Variants in SH3KBP1 observed in about 807,000 individuals in gnomAD.
The protein encoded by SH3KBP1 is SH3 domain containing kinase binding protein 1, also known as SH3 domain-containing kinase-binding protein 1.
A neutral mutation model predicts 50.1 loss-of-function variants in SH3KBP1; 8 were observed. The observed-to-expected ratio is 0.16, with a 90% CI of 0.09 to 0.29. The LOEUF (loss-of-function observed/expected upper bound fraction) is 0.29. Ranked by LOEUF, SH3KBP1 falls within the 10% of genes least tolerant of loss-of-function variation. The pLI is 1.00. For synonymous variants in SH3KBP1, 227 were observed against 218.6 expected (o/e 1.04, Z -0.34); for missense variants, 377 against 535.2 (o/e 0.70, Z 2.92).
chrX:19,564,870 A>C (rs912175642), intron 13 of SH3KBP1, among the ~76,000 whole-genome samples: 2 of 108,875 alleles, frequency 1.8e-5, no homozygotes, highest in Non-Finnish European at 3.8e-5. Context: ...GATGGTTAGC[A>C]GCATCCTTGG....
intron 2 of SH3KBP1, among the ~76,000 whole-genome samples, chrX:19,819,459 G>A (rs1246040984): frequency 9.0e-6 from 1 of 110,953 alleles, no homozygotes; most frequent in Non-Finnish European, 1.9e-5. Context: ...TCAGCCTTTT[G>A]AGTAGCTGGG....
chrX:19,818,668 T>G lies in SH3KBP1; in HGVS notation c.162+17457A>C, dbSNP rs146057858. On this transcript the variant is annotated intron_variant, in intron 2 of 17. Coordinates refer to ENST00000397821, the MANE Select transcript of SH3KBP1 (RefSeq NM_031892.3). The stretch of plus-strand genomic sequence containing the variant: ...TGTCAATTTTTTTCATCAATTGATC[T>G]GATTATGCGATTTGATTTTTTCTCC... Among the ~76,000 whole-genome samples, 785 of 112,211 alleles carry G rather than the reference T, an allele frequency of 7.0e-3. 3 individuals are homozygous for G. The highest frequency in any genetic ancestry group is 0.013 in the African/African-American group (403 of 30,900).
At chrX:19,775,364 C>G (rs770598055) in intron 2 of SH3KBP1, among the ~76,000 whole-genome samples, 1 of 112,033 alleles carries the variant, frequency 8.9e-6, no homozygotes, top group East Asian at 2.8e-4. Context: ...ATTGGGTGGG[C>G]TTGGTTTGCT....
At chrX:19,604,295 T>C (rs1157908882) in intron 9 of SH3KBP1, among the ~76,000 whole-genome samples, 2 of 111,838 alleles carry the variant, frequency 1.8e-5, no homozygotes, top group Non-Finnish European at 3.8e-5. Context: ...TTCTGGAATA[T>C]CTTGAGGAAA....
chrX:19,615,145 A>G (rs2067568650), intron 8 of SH3KBP1, among the ~76,000 whole-genome samples: 1 of 112,459 alleles, frequency 8.9e-6, no homozygotes, highest in Non-Finnish European at 1.9e-5. Context: ...CTTTAAAATT[A>G]CCCCAAAAAG....
chrX:19,577,041 C>T (rs931353399), intron 12 of SH3KBP1, among the ~76,000 whole-genome samples: 1 of 112,510 alleles, frequency 8.9e-6, no homozygotes, highest in African/African-American at 3.2e-5. Context: ...AGTATCACAT[C>T]ATGACTTCTC....
At chrX:19,782,826 G>A (rs2066220890) in intron 2 of SH3KBP1, among the ~76,000 whole-genome samples, 1 of 111,543 alleles carries the variant, frequency 9.0e-6, no homozygotes, top group Non-Finnish European at 1.9e-5. Context: ...CAAATAACAG[G>A]TCAGGTGCGG....
intron 5 of SH3KBP1, chrX:19,687,601 T>C: frequency 8.5e-7 from 1 of 1,183,409 alleles, no homozygotes; most frequent in South Asian, 1.8e-5. Flanking sequence ...TGCCTTCTGC[T>C]GTTAAGGTCA....
intron 9 of SH3KBP1, among the ~76,000 whole-genome samples, chrX:19,602,944 T>A (rs914512193): frequency 1.8e-5 from 2 of 111,283 alleles, no homozygotes; most frequent in African/African-American, 6.6e-5. Flanking sequence ...CTTGCAAAAG[T>A]TTGGAACCTG....
intron 8 of SH3KBP1, among the ~76,000 whole-genome samples, chrX:19,609,943 GCCCAC>G (rs2067361425): frequency 1.8e-5 from 2 of 111,509 alleles, no homozygotes; most frequent in African/African-American, 6.5e-5. Context: ...TTAGCATAAG[GCCCAC>G]CTCAGGTAGC....
At chrX:19,686,412 A>G (rs2063164459) in intron 5 of SH3KBP1, among the ~76,000 whole-genome samples, 1 of 111,379 alleles carries the variant, frequency 9.0e-6, no homozygotes, top group Admixed American at 9.5e-5. Context: ...TGCAACCCAG[A>G]GTGTGGACTG....
chrX:19,675,078 C>CAAATAAATAAATAAAT (rs112493377), intron 6 of SH3KBP1, among the ~76,000 whole-genome samples: 35 of 106,698 alleles, frequency 3.3e-4, no homozygotes, highest in African/African-American at 1.2e-3. Flanking sequence ...GACCCTGCCT[C>CAAATAAATAAATAAAT]AAATAAATAA....
chrX:19,831,688 G>A (rs2067894587), intron 2 of SH3KBP1, among the ~76,000 whole-genome samples: 1 of 99,407 alleles, frequency 1.0e-5, no homozygotes, highest in African/African-American at 3.8e-5. Flanking sequence ...CTACTCGGGA[G>A]GCTGAGGCAG....
At chrX:19,758,297 C>T (rs1436123638) in intron 2 of SH3KBP1, among the ~76,000 whole-genome samples, 3 of 96,525 alleles carry the variant, frequency 3.1e-5, no homozygotes, top group Non-Finnish European at 6.1e-5. Context: ...CACTGAACTC[C>T]GGCCTGGGCC....
intron 2 of SH3KBP1, among the ~76,000 whole-genome samples, chrX:19,822,243 C>T (rs182805279): frequency 5.4e-5 from 6 of 112,136 alleles, no homozygotes; most frequent in African/African-American, 1.9e-4. Flanking sequence ...GTCATCATTT[C>T]GTTCAATATT....
intron 3 of SH3KBP1, among the ~76,000 whole-genome samples, chrX:19,708,559 C>T (rs2063706071): frequency 9.0e-6 from 1 of 111,140 alleles, no homozygotes; most frequent in Non-Finnish European, 1.9e-5. Flanking sequence ...ATGGGTATTC[C>T]GATGCAAAGA....
chrX:19,643,150 C>A (rs16981249), intron 7 of SH3KBP1, among the ~76,000 whole-genome samples: 2,427 of 109,107 alleles, frequency 0.022, 83 homozygotes, highest in African/African-American at 0.077. Context: ...TATCAAAATC[C>A]CGAAGCAGGG....
intron 6 of SH3KBP1, among the ~76,000 whole-genome samples, chrX:19,665,538 T>TAG (rs1403762058): frequency 8.9e-6 from 1 of 111,929 alleles, no homozygotes; most frequent in Non-Finnish European, 1.9e-5. Flanking sequence ...AAATATCTAT[T>TAG]AGAGGTGTAA....
chrX:19,663,483 C>G (rs1420581586), intron 6 of SH3KBP1, among the ~76,000 whole-genome samples: 1 of 111,127 alleles, frequency 9.0e-6, no homozygotes, highest in Non-Finnish European at 1.9e-5. Flanking sequence ...CTTCTTTGTG[C>G]CTTCCACAAA....
Sources: gnomAD v4.1 joint callset for allele counts (sites outside exome capture counted in the v4.1 genomes callset) on GRCh38, gnomAD v4.1.1 for gene constraint, MANE v1.5 for transcripts, NCBI Gene and HGNC (gene_info 2026-07-23, HGNC 2026-07-21) for gene names.